Variants in KCNJ12 observed in about 807,000 individuals in gnomAD.
The protein encoded by KCNJ12 is potassium inwardly rectifying channel subfamily J member 12.
Under a neutral mutation model 22.3 loss-of-function variants are expected in KCNJ12, and 2 were observed. The ratio of observed to expected loss-of-function variants is 0.09; its 90% CI spans 0.04 to 0.28. The LOEUF is 0.28. Ranked by LOEUF, KCNJ12 falls within the 10% of genes least tolerant of loss-of-function variation. The pLI is 1.00. For synonymous variants in KCNJ12, 117 were observed against 261.4 expected (o/e 0.45, Z 5.33); for missense variants, 155 against 633.3 (o/e 0.24, Z 8.11).
At chr17:21,414,435 A>G (rs1240316324) in intron 2 of KCNJ12, among the ~76,000 whole-genome samples, 1 of 147,612 alleles carries the variant, frequency 6.8e-6, no homozygotes, top group Non-Finnish European at 1.5e-5. Context: ...AAATCGCACC[A>G]TTGCATTCCA....
intron 1 of KCNJ12, among the ~76,000 whole-genome samples, chr17:21,380,644 G>A (rs961604327): frequency 2.6e-5 from 4 of 152,142 alleles, no homozygotes; most frequent in Admixed American, 1.3e-4. Flanking sequence ...AGAAATGGAC[G>A]TGTGGAGAGG....
At chr17:21,379,158 C>T (rs529616913) in intron 1 of KCNJ12, among the ~76,000 whole-genome samples, 1 of 152,352 alleles carries the variant, frequency 6.6e-6, no homozygotes, top group South Asian at 2.1e-4. Context: ...GTAACAGCAG[C>T]AGCAGCACCT....
Position 21,418,182 on chromosome 17 carries a change from C to T in KCNJ12, c.*1538C>T, listed in dbSNP as rs114613736. The T allele has an allele frequency of 0.011, 1,788 of 167,092 alleles. 33 individuals carry two copies. Among genetic ancestry groups the T allele is most frequent in the African/African-American group, 0.041 (1,716 of 41,492 alleles). The allele number at this position is 167,092 out of a possible 1,614,324, so 10.4% of individuals were successfully genotyped here. On this transcript the variant is annotated 3_prime_UTR_variant, in exon 3 of 3. Coordinates refer to ENST00000583088, the MANE Select transcript of KCNJ12 (RefSeq NM_021012.5). ...TGGTTGGGTCAGGTCCATGGTAGAG[C>T]CAGGCCCTTCCCAGGGCTGCGGAGA...
chr17:21,377,215 C>T (rs1430950752), intron 1 of KCNJ12, among the ~76,000 whole-genome samples: 1 of 152,032 alleles, frequency 6.6e-6, no homozygotes, highest in Admixed American at 6.5e-5. Context: ...GAGGAGCCCT[C>T]GGCCCCCCTC....
chr17:21,392,965 T>C (rs1343390668), intron 1 of KCNJ12, among the ~76,000 whole-genome samples: 1 of 152,122 alleles, frequency 6.6e-6, no homozygotes, highest in Non-Finnish European at 1.5e-5. Context: ...GTGGATAGTG[T>C]CCCTGGGTCT....
intron 1 of KCNJ12, among the ~76,000 whole-genome samples, chr17:21,383,241 C>T (rs1904945700): frequency 6.6e-6 from 1 of 152,194 alleles, no homozygotes; most frequent in Non-Finnish European, 1.5e-5. Flanking sequence ...GAGCTGGCGG[C>T]TCCAGGCCTG....
intron 1 of KCNJ12, among the ~76,000 whole-genome samples, chr17:21,391,961 A>C (rs1035472668): frequency 1.3e-5 from 2 of 152,224 alleles, no homozygotes; most frequent in African/African-American, 2.4e-5. Context: ...GCTCCAGGCT[A>C]CAGGCTGGGG....
chr17:21,397,128 T>TCCCCAGCTC (rs1905393431), intron 1 of KCNJ12, among the ~76,000 whole-genome samples: 1 of 152,226 alleles, frequency 6.6e-6, no homozygotes, highest in Admixed American at 6.5e-5. Flanking sequence ...ATGGGCTTGT[T>TCCCCAGCTC]CCCCAGCTCT....
At chr17:21,401,509 G>A (rs1905622829) in intron 1 of KCNJ12, among the ~76,000 whole-genome samples, 1 of 152,214 alleles carries the variant, frequency 6.6e-6, no homozygotes, top group Non-Finnish European at 1.5e-5. Flanking sequence ...CTTCCTGCAG[G>A]GGCCACCCTG....
chr17:21,386,425 C>T (rs1410625552), intron 1 of KCNJ12, among the ~76,000 whole-genome samples: 1 of 152,252 alleles, frequency 6.6e-6, no homozygotes, highest in Non-Finnish European at 1.5e-5. Context: ...AGTGATCCTC[C>T]TGCCTTAATC....
intron 1 of KCNJ12, among the ~76,000 whole-genome samples, chr17:21,379,516 TG>T (rs536142303): frequency 1.0e-3 from 156 of 152,230 alleles, no homozygotes; most frequent in African/African-American, 3.7e-3. Flanking sequence ...TGGGTACACC[TG>T]CCCCTCCCCG....
intron 1 of KCNJ12, among the ~76,000 whole-genome samples, chr17:21,393,976 A>C (rs557306075): frequency 9.1e-4 from 138 of 152,320 alleles, no homozygotes; most frequent in African/African-American, 3.3e-3. Flanking sequence ...TGCCCCACCC[A>C]TAGGACCCAG....
At chr17:21,393,894 T>G (rs1435181768) in intron 1 of KCNJ12, among the ~76,000 whole-genome samples, 1 of 151,966 alleles carries the variant, frequency 6.6e-6, no homozygotes, top group African/African-American at 2.4e-5. Context: ...GCCCATGGAG[T>G]GTGTGGCCTG....
At chr17:21,397,911 T>C (rs1434902997) in intron 1 of KCNJ12, among the ~76,000 whole-genome samples, 2 of 152,144 alleles carry the variant, frequency 1.3e-5, no homozygotes, top group African/African-American at 4.8e-5. Flanking sequence ...CACCCCTCCC[T>C]TCTCCTTTTC....
At chr17:21,382,744 G>T (rs973667091) in intron 1 of KCNJ12, among the ~76,000 whole-genome samples, 1 of 152,182 alleles carries the variant, frequency 6.6e-6, no homozygotes, top group Admixed American at 6.5e-5. Flanking sequence ...TCAGCCAGGT[G>T]TGCCCGGTTG....
intron 1 of KCNJ12, among the ~76,000 whole-genome samples, chr17:21,386,699 G>T (rs528615816): frequency 6.6e-6 from 1 of 151,936 alleles, no homozygotes; most frequent in African/African-American, 2.4e-5. Context: ...GTAGAGATGG[G>T]GTTTCACCAT....
At chr17:21,377,648 A>T (rs1904712388) in intron 1 of KCNJ12, among the ~76,000 whole-genome samples, 1 of 151,912 alleles carries the variant, frequency 6.6e-6, no homozygotes, top group Admixed American at 6.6e-5. Flanking sequence ...GCTCATGGGC[A>T]GAGACAGCTG....
At chr17:21,392,432 C>A (rs1469533917) in intron 1 of KCNJ12, among the ~76,000 whole-genome samples, 1 of 152,278 alleles carries the variant, frequency 6.6e-6, no homozygotes, top group Admixed American at 6.5e-5. Context: ...CGCCCCCCAA[C>A]AGGGGCCCTC....
chr17:21,382,782 A>G (rs1432011289), intron 1 of KCNJ12, among the ~76,000 whole-genome samples: 1 of 152,016 alleles, frequency 6.6e-6, no homozygotes, highest in Non-Finnish European at 1.5e-5. Context: ...GTGTGCCAGG[A>G]TGGGAGATTG....
Sources: allele counts gnomAD v4.1 joint callset (sites outside exome capture counted in the v4.1 genomes callset), GRCh38; gene constraint gnomAD v4.1.1; transcripts MANE v1.5; gene names NCBI Gene and HGNC (gene_info 2026-07-23, HGNC 2026-07-21).